SCML4: variants seen among roughly 807,000 people sequenced by gnomAD.
The protein encoded by SCML4 is sex comb on midleg-like protein 4.
SCML4 carries 34 observed loss-of-function variants against 41.1 expected under a neutral mutation model. That is an observed-to-expected ratio of 0.83 (90% CI 0.63 to 1.10). The LOEUF is 1.10. Among genes scored for constraint, SCML4 ranks in the 50% least tolerant of loss-of-function variants. The pLI is 0.00. For missense variants in SCML4, 522 were observed against 534.1 expected (o/e 0.98, Z 0.22); for synonymous variants, 214 against 220.9 (o/e 0.97, Z 0.28).
rs191898886 is a variant in SCML4 at position 107,790,283 on chromosome 6, A to T, written c.-59-17897T>A. On this transcript the variant is annotated intron_variant, in intron 1 of 7. Transcript: ENST00000369020. Reference sequence around the variant, plus strand: ...ATCTTGCCTGGTGAAAATCTATGTGACCTCTTGGGGCTTTGCATACAGTGA... The same window carrying T: ...ATCTTGCCTGGTGAAAATCTATGTGTCCTCTTGGGGCTTTGCATACAGTGA... Among the ~76,000 whole-genome samples the T allele has an allele frequency of 7.2e-5, 11 of 152,204 alleles. No homozygotes were observed. In the East Asian group the frequency reaches 1.7e-3, roughly 24 times the overall value.
chr6:107,804,022 C>T (rs543331570), intron 1 of SCML4, among the ~76,000 whole-genome samples: 454 of 142,698 alleles, frequency 3.2e-3, no homozygotes, highest in African/African-American at 0.011. Context: ...TCCCCCTCTG[C>T]GAGAAACACC....
At chr6:107,835,887 A>G in the SCML4 span, among the ~76,000 whole-genome samples, 1 of 152,200 alleles carries the variant, frequency 6.6e-6, no homozygotes, top group African/African-American at 2.4e-5. Flanking sequence ...AAGGATCAAT[A>G]CAGGAGATGT....
intron 1 of SCML4, among the ~76,000 whole-genome samples, chr6:107,806,705 A>G (rs1017582079): frequency 1.3e-5 from 2 of 152,170 alleles, no homozygotes; most frequent in African/African-American, 4.8e-5. Flanking sequence ...TAATCCCGCC[A>G]TCTCCCACTG....
At chr6:107,778,520 C>T (rs1220490960) in intron 1 of SCML4, among the ~76,000 whole-genome samples, 9 of 151,930 alleles carry the variant, frequency 5.9e-5, no homozygotes, top group Non-Finnish European at 1.3e-4. Flanking sequence ...AAGTGATTTT[C>T]CGCTGGCTTC....
intron 2 of SCML4, among the ~76,000 whole-genome samples, chr6:107,763,103 G>A (rs568412062): frequency 7.9e-5 from 12 of 151,908 alleles, no homozygotes; most frequent in African/African-American, 2.4e-4. Flanking sequence ...GGCTGGTCTC[G>A]AACTCTTAGG....
intron 6 of SCML4, among the ~76,000 whole-genome samples, chr6:107,717,172 A>AAAAAAAAT (rs1321916871): frequency 1.8e-5 from 2 of 112,778 alleles, no homozygotes; most frequent in African/African-American, 3.5e-5. Context: ...AAAAAAAAAA[A>AAAAAAAAT]AGCCAGGTGT....
At chr6:107,713,981 G>A (rs1393512796) in intron 6 of SCML4, among the ~76,000 whole-genome samples, 2 of 151,982 alleles carry the variant, frequency 1.3e-5, no homozygotes, top group Non-Finnish European at 2.9e-5. Flanking sequence ...GGGTGATCTC[G>A]GCTCACTGCA....
At chr6:107,821,724 G>A (rs1371049222) in intron 1 of SCML4, among the ~76,000 whole-genome samples, 2 of 152,138 alleles carry the variant, frequency 1.3e-5, no homozygotes, top group East Asian at 1.9e-4. Flanking sequence ...GCACATCCCG[G>A]CTCCCTGGCA....
chr6:107,806,183 AT>A (rs1316950167), intron 1 of SCML4, among the ~76,000 whole-genome samples: 4 of 14,970 alleles, frequency 2.7e-4, no homozygotes, highest in African/African-American at 6.7e-4. Context: ...CAAAACAGAG[AT>A]TTCCCCCCCC....
At chr6:107,746,574 C>A (rs1040210401) in intron 4 of SCML4, 115 bp downstream of exon 4, 27 of 868,652 alleles carry the variant, frequency 3.1e-5, no homozygotes, top group Non-Finnish European at 4.8e-5. Flanking sequence ...CCCTAGGAGC[C>A]CAGCAGATGA....
At chr6:107,835,073 C>T in the SCML4 span, among the ~76,000 whole-genome samples, 1 of 151,886 alleles carries the variant, frequency 6.6e-6, no homozygotes, top group Non-Finnish European at 1.5e-5. Context: ...ATAAAAAGGG[C>T]ATTAGGCTGG....
chr6:107,804,903 A>G (rs536878039), intron 1 of SCML4, among the ~76,000 whole-genome samples: 4 of 152,170 alleles, frequency 2.6e-5, no homozygotes, highest in Non-Finnish European at 5.9e-5. Context: ...CCTGGAGCTC[A>G]AGGCTGCAAT....
At chr6:107,821,457 T>C (rs769986570) in intron 1 of SCML4, among the ~76,000 whole-genome samples, 1 of 152,220 alleles carries the variant, frequency 6.6e-6, no homozygotes, top group Non-Finnish European at 1.5e-5. Context: ...GAAAGAAGCT[T>C]GTGTGATCAC....
chr6:107,803,245 T>A (rs1322789292), intron 1 of SCML4, among the ~76,000 whole-genome samples: 2 of 129,330 alleles, frequency 1.5e-5, no homozygotes, highest in African/African-American at 3.0e-5. Context: ...GGCCGCCCTG[T>A]CTGAGAAGTG....
At chr6:107,817,422 G>C (rs1784622012) in intron 1 of SCML4, among the ~76,000 whole-genome samples, 1 of 152,054 alleles carries the variant, frequency 6.6e-6, no homozygotes, top group Non-Finnish European at 1.5e-5. Context: ...CTTGAGACCA[G>C]CCTGGGCAAC....
chr6:107,775,741 C>G (rs957794131), intron 1 of SCML4, among the ~76,000 whole-genome samples: 2 of 152,108 alleles, frequency 1.3e-5, no homozygotes, highest in East Asian at 3.9e-4. Flanking sequence ...AAGGGCAAAA[C>G]AAAGTCTAGT....
chr6:107,794,410 C>T (rs1157790555), intron 1 of SCML4, among the ~76,000 whole-genome samples: 1 of 152,134 alleles, frequency 6.6e-6, no homozygotes, highest in Non-Finnish European at 1.5e-5. Context: ...ATTCGGGCTT[C>T]TCTATGTACT....
chr6:107,724,640 A>G (rs1775770668), intron 5 of SCML4, among the ~76,000 whole-genome samples: 1 of 152,156 alleles, frequency 6.6e-6, no homozygotes, highest in African/African-American at 2.4e-5. Context: ...ATATAAATAA[A>G]TGGAAAAAAA....
intron 5 of SCML4, among the ~76,000 whole-genome samples, chr6:107,738,353 T>C (rs1164440060): frequency 4.0e-5 from 6 of 151,698 alleles, no homozygotes; most frequent in African/African-American, 1.5e-4. Flanking sequence ...AGGAAAAATA[T>C]CATTTGAATA....
Sources: allele counts gnomAD v4.1 joint callset (sites outside exome capture counted in the v4.1 genomes callset), GRCh38; gene constraint gnomAD v4.1.1; transcripts MANE v1.5; gene names NCBI Gene and HGNC (gene_info 2026-07-23, HGNC 2026-07-21).